The following USP45 variants were observed in gnomAD, a reference collection of about 807,000 sequenced individuals.
USP45 encodes ubiquitin specific peptidase 45, also known as ubiquitin carboxyl-terminal hydrolase 45.
USP45 carries 89 observed loss-of-function variants against 95.8 expected under a neutral mutation model. The ratio of observed to expected loss-of-function variants is 0.93; its 90% CI spans 0.78 to 1.11. USP45 has a LOEUF of 1.11. Ranked by LOEUF, USP45 falls within the 50% of genes least tolerant of loss-of-function variation. The pLI, the probability that USP45 is intolerant of heterozygous loss-of-function variation, is 0.00. For synonymous variants in USP45, 281 were observed against 316.2 expected, an observed-to-expected ratio of 0.89 and a Z score of 1.18; for missense variants, 898 against 942.5, an observed-to-expected ratio of 0.95 and a Z score of 0.62.
chr6:99,438,728 T>C (rs1296327773), intron 16 of USP45, among the ~76,000 whole-genome samples: 2 of 152,182 alleles, frequency 1.3e-5, no homozygotes, highest in African/African-American at 2.4e-5. Flanking sequence ...TAGAGATACA[T>C]AGTGAAATAT....
rs1419948976 is a variant in USP45, at chr6:99,437,124, TTAAAA to T, written c.2314+117_2314+121del. On this transcript the variant is annotated intron_variant, in intron 17 of 17. Coordinates refer to ENST00000500704, the MANE Select transcript of USP45 (RefSeq NM_001346022.3). Reference sequence around the variant, plus strand: ...TCAATCAATCAATCAATCAATTAAGTTAAAATAAAGCAAGCAAGCAAATCCACTAG... The same window carrying T: ...TCAATCAATCAATCAATCAATTAAGTTAAAGCAAGCAAGCAAATCCACTAG... The T allele has an allele frequency of 4.4e-5, 37 of 846,976 alleles. No individual in the cohort carries two copies. The Middle Eastern group carries it at 1.9e-3, about 44-fold the overall frequency. 52.5% of individuals were successfully genotyped at this position (846,976 alleles called of 1,614,324 possible).
intron 13 of USP45, among the ~76,000 whole-genome samples, chr6:99,458,647 C>T (rs1562334832): frequency 6.6e-6 from 1 of 152,158 alleles, no homozygotes; most frequent in African/African-American, 2.4e-5. Flanking sequence ...TAACTGAAAA[C>T]AGTGATCATA....
At chr6:99,513,329 C>T (rs1348842201) in intron 1 of USP45, among the ~76,000 whole-genome samples, 1 of 152,180 alleles carries the variant, frequency 6.6e-6, no homozygotes, top group Non-Finnish European at 1.5e-5. Context: ...ATCTTCTTCA[C>T]TTTCCTCAAA....
At chr6:99,468,756 T>A (rs191149743) in intron 9 of USP45, 138 bp from the exon 10 acceptor site, 8 of 529,380 alleles carry the variant, frequency 1.5e-5, no homozygotes, top group East Asian at 6.2e-5. Context: ...CCAAATTTTT[T>A]AAAAAATGTA....
intron 5 of USP45, among the ~76,000 whole-genome samples, chr6:99,490,023 T>A (rs746950609): frequency 2.6e-5 from 4 of 152,174 alleles, no homozygotes; most frequent in Admixed American, 1.3e-4. Context: ...TCCTAACATT[T>A]ACTGACATGG....
intron 17 of USP45, among the ~76,000 whole-genome samples, chr6:99,436,906 C>A (rs974261138): frequency 5.3e-5 from 8 of 152,108 alleles, no homozygotes; most frequent in African/African-American, 1.9e-4. Flanking sequence ...TTGAGGCCAG[C>A]CTGGCCAACA....
At chr6:99,505,436 C>T (rs1038755082) in intron 4 of USP45, among the ~76,000 whole-genome samples, 46 of 151,822 alleles carry the variant, frequency 3.0e-4, no homozygotes, top group African/African-American at 1.1e-3. Flanking sequence ...GAGGCCAAGG[C>T]GGGAGGATCA....
intron 5 of USP45, among the ~76,000 whole-genome samples, chr6:99,494,813 G>A (rs574386953): frequency 6.6e-6 from 1 of 152,284 alleles, no homozygotes; most frequent in African/African-American, 2.4e-5. Flanking sequence ...AGAATCGTTT[G>A]AACCCGGGAG....
chr6:99,466,883 A>G (rs1788110381), intron 10 of USP45, 120 bp from the exon 11 acceptor site: 3 of 678,908 alleles, frequency 4.4e-6, no homozygotes, highest in Admixed American at 2.9e-5. Flanking sequence ...TACATTTAAT[A>G]ATACATTTTA....
chr6:99,443,672 A>G lies in USP45; in HGVS notation c.1976-10T>C, dbSNP rs773108268. 1 of 1,495,150 alleles carries G rather than the reference A, an allele frequency of 6.7e-7. No individual in the cohort carries two copies. Among genetic ancestry groups the G allele is most frequent in the Admixed American group, 1.9e-5 (1 of 51,890 alleles). 92.6% of individuals were successfully genotyped at this position (1,495,150 alleles called of 1,614,324 possible). A position where few individuals can be genotyped will look rare whatever the true frequency, so the allele number is the denominator to read the frequency against. ...CCTTCTACTTTCTTTTCTACATAAA[A>G]TACAATAAATTTATTTATAAAATTC... On this transcript the variant is annotated splice_polypyrimidine_tract_variant and intron_variant, in intron 14 of 17. Transcript: ENST00000500704.
intron 8 of USP45, among the ~76,000 whole-genome samples, chr6:99,477,428 T>G (rs1791141720): frequency 1.3e-5 from 2 of 152,132 alleles, no homozygotes; most frequent in Admixed American, 1.3e-4. Context: ...CTCAGCCTCC[T>G]GAGTGGCTGG....
chr6:99,486,888 C>T (rs1794037545), intron 7 of USP45, among the ~76,000 whole-genome samples: 1 of 152,024 alleles, frequency 6.6e-6, no homozygotes, highest in African/African-American at 2.4e-5. Context: ...TAAAATTATC[C>T]TTACTAGTAT....
chr6:99,469,451 TATATAATTA>T (rs1330149822), intron 9 of USP45, among the ~76,000 whole-genome samples: 2 of 143,878 alleles, frequency 1.4e-5, no homozygotes, highest in African/African-American at 5.0e-5. Context: ...AAAAAATATA[TATATAATTA>T]ATATATATAT....
At chr6:99,504,649 G>A (rs1184029623) in intron 4 of USP45, among the ~76,000 whole-genome samples, 1 of 152,138 alleles carries the variant, frequency 6.6e-6, no homozygotes, top group African/African-American at 2.4e-5. Flanking sequence ...ACTGCCATGG[G>A]TAGGGAGAAG....
intron 11 of USP45, 28 bp from the exon 12 acceptor site, chr6:99,465,164 C>T: frequency 6.4e-7 from 1 of 1,552,944 alleles, no homozygotes; most frequent in Non-Finnish European, 8.8e-7. Context: ...TTGAAAACTT[C>T]AGTTAGAATT....
chr6:99,486,761 C>A (rs1793991592), intron 7 of USP45, among the ~76,000 whole-genome samples: 1 of 151,962 alleles, frequency 6.6e-6, no homozygotes, highest in Non-Finnish European at 1.5e-5. Context: ...GAGGGCTAAG[C>A]ATTTTTAGAA....
intron 13 of USP45, among the ~76,000 whole-genome samples, chr6:99,454,729 A>C (rs899369448): frequency 6.6e-6 from 1 of 152,218 alleles, no homozygotes; most frequent in African/African-American, 2.4e-5. Context: ...TGCCTTCAAG[A>C]ATGTGGAGAA....
At chr6:99,450,238 T>A (rs1369426420) in intron 13 of USP45, among the ~76,000 whole-genome samples, 9 of 151,732 alleles carry the variant, frequency 5.9e-5, no homozygotes, top group Admixed American at 1.3e-4. Context: ...AATCAATGAA[T>A]CCAGGAGCTG....
chr6:99,503,009 C>T (rs1344558653), intron 5 of USP45, among the ~76,000 whole-genome samples: 1 of 152,098 alleles, frequency 6.6e-6, no homozygotes, highest in Non-Finnish European at 1.5e-5. Context: ...TACCCAATCT[C>T]GGGTATTTAT....
Sources: gnomAD v4.1 joint callset for allele counts (sites outside exome capture counted in the v4.1 genomes callset) on GRCh38, gnomAD v4.1.1 for gene constraint, MANE v1.5 for transcripts, NCBI Gene and HGNC (gene_info 2026-07-23, HGNC 2026-07-21) for gene names.